Variants in ADGRB3 observed in about 807,000 individuals in gnomAD.
ADGRB3 encodes the protein brain-specific angiogenesis inhibitor 3.
ADGRB3 carries 37 observed loss-of-function variants against 193.4 expected under a neutral mutation model. The observed-to-expected ratio is 0.19, with a 90% CI of 0.15 to 0.25. The LOEUF is 0.25. Ranked by LOEUF, ADGRB3 falls within the 10% of genes least tolerant of loss-of-function variation. The pLI, the probability that ADGRB3 is intolerant of heterozygous loss-of-function variation, is 1.00. For synonymous variants in ADGRB3, 690 were observed against 644.2 expected (o/e 1.07, Z -1.08); for missense variants, 1,637 against 1,852.9 (o/e 0.88, Z 2.14).
Position 68,858,170 on chromosome 6 carries a change from T to C in ADGRB3, c.758-72389T>C, listed in dbSNP as rs779272072. Among the ~76,000 whole-genome samples, 7 of 152,300 alleles carry C rather than the reference T, an allele frequency of 4.6e-5. No homozygotes were observed. The South Asian group carries it at 8.3e-4, about 18-fold the overall frequency. Reference sequence around the variant, plus strand: ...TAATACAGTCAGGCATGATGTTTCATACCTGCAGTCCCAGCTATGTGAAAG... The same window carrying C: ...TAATACAGTCAGGCATGATGTTTCACACCTGCAGTCCCAGCTATGTGAAAG... On this transcript the variant is annotated intron_variant, in intron 3 of 31. Coordinates refer to ENST00000370598, the MANE Select transcript of ADGRB3 (RefSeq NM_001704.3).
chr6:68,959,547 CTTTG>C (rs775097582), intron 8 of ADGRB3, among the ~76,000 whole-genome samples: 4 of 151,938 alleles, frequency 2.6e-5, no homozygotes, highest in African/African-American at 9.7e-5. Context: ...ATATGAACAT[CTTTG>C]TTTGAATAAT....
chr6:68,676,749 A>C (rs1253065442), intron 3 of ADGRB3, among the ~76,000 whole-genome samples: 2 of 152,148 alleles, frequency 1.3e-5, no homozygotes, highest in African/African-American at 4.8e-5. Flanking sequence ...TTTTTAATGA[A>C]TGTGTGGTGA....
At chr6:69,323,255 A>G (rs1768500249) in intron 20 of ADGRB3, among the ~76,000 whole-genome samples, 1 of 152,028 alleles carries the variant, frequency 6.6e-6, no homozygotes. Flanking sequence ...GGAAAATGAA[A>G]GGGTAACTAA....
At chr6:68,816,628 A>G (rs1306958338) in intron 3 of ADGRB3, among the ~76,000 whole-genome samples, 3 of 152,006 alleles carry the variant, frequency 2.0e-5, no homozygotes, top group African/African-American at 7.2e-5. Context: ...AAAATTATTA[A>G]TGTAGTCACA....
chr6:68,683,738 G>A (rs1764936273), intron 3 of ADGRB3, among the ~76,000 whole-genome samples: 1 of 152,164 alleles, frequency 6.6e-6, no homozygotes. Context: ...GCAGAGAAGT[G>A]ACGTCTGATT....
chr6:68,783,284 C>T (rs1766894252), intron 3 of ADGRB3, among the ~76,000 whole-genome samples: 1 of 138,862 alleles, frequency 7.2e-6, no homozygotes, highest in South Asian at 2.3e-4. Flanking sequence ...CCTATATTGC[C>T]TCCCTAAATA....
At position 69,209,156 on chromosome 6, in the gene ADGRB3, A is replaced by G. The variant is rs541931673; in HGVS notation, c.2481-24134A>G. ...TGGACCAAGTGGCAGAGGAGTTTGC[A>G]TAGCAGCCTGGACCTGTTGCAGAAC... On this transcript the variant is annotated intron_variant, in intron 17 of 31. Coordinates refer to ENST00000370598, the MANE Select transcript of ADGRB3 (RefSeq NM_001704.3). Among the ~76,000 whole-genome samples, 19 of 152,338 alleles carry G rather than the reference A, an allele frequency of 1.2e-4. No homozygotes were observed. The South Asian group carries it at 3.9e-3, about 32-fold the overall frequency.
intron 17 of ADGRB3, among the ~76,000 whole-genome samples, chr6:69,162,494 G>A (rs1372200564): frequency 1.3e-5 from 2 of 152,004 alleles, no homozygotes; most frequent in Non-Finnish European, 2.9e-5. Flanking sequence ...TTTAGACTTC[G>A]CCACTAACTA....
intron 17 of ADGRB3, chr6:69,232,985 T>TGCTGCCGCC (rs1184848916): frequency 4.6e-6 from 2 of 435,702 alleles, no homozygotes; most frequent in Non-Finnish European, 4.1e-6. Context: ...CGGCTGCTCG[T>TGCTGCCGCC]GCTGCCGCCG....
chr6:69,079,028 T>G (rs531858324), intron 17 of ADGRB3, among the ~76,000 whole-genome samples: 3 of 152,208 alleles, frequency 2.0e-5, no homozygotes, highest in African/African-American at 7.2e-5. Context: ...TTTCTAGCAA[T>G]TATTAGAGCT....
In ADGRB3 at chr6:69,380,503, T is replaced by A. The variant is rs574509760; in HGVS notation, c.4276-2328T>A. On this transcript the variant is annotated intron_variant, in intron 30 of 31. Transcript: ENST00000370598. ...GTTTCTTGTACTTGAAAAGGAAAGATCCCATTGAAGGGAGGGGATTCCAGC... is the reference window on the plus strand; with the variant it reads ...GTTTCTTGTACTTGAAAAGGAAAGAACCCATTGAAGGGAGGGGATTCCAGC... Among the ~76,000 whole-genome samples the A allele has an allele frequency of 2.6e-5, 4 of 151,880 alleles. No homozygotes were observed. In the East Asian group the frequency reaches 7.8e-4, roughly 30 times the overall value.
chr6:69,351,792 T>C (rs1339408177), intron 26 of ADGRB3, among the ~76,000 whole-genome samples: 1 of 152,200 alleles, frequency 6.6e-6, no homozygotes, highest in East Asian at 1.9e-4. Context: ...CCTACAAAAA[T>C]TGTATTTCCA....
intron 3 of ADGRB3, among the ~76,000 whole-genome samples, chr6:68,923,287 T>A (rs1031087364): frequency 2.6e-5 from 4 of 152,022 alleles, no homozygotes; most frequent in African/African-American, 9.7e-5. Context: ...AAAGTAAAAA[T>A]ATGTAAAAGA....
intron 3 of ADGRB3, among the ~76,000 whole-genome samples, chr6:68,672,267 G>A (rs974790076): frequency 6.7e-6 from 1 of 150,122 alleles, no homozygotes; most frequent in African/African-American, 2.5e-5. Context: ...ATTTGTTTCT[G>A]ATCTGATCTT....
intron 13 of ADGRB3, among the ~76,000 whole-genome samples, chr6:69,041,229 G>C (rs922792679): frequency 6.6e-6 from 1 of 152,134 alleles, no homozygotes; most frequent in Admixed American, 6.5e-5. Flanking sequence ...AGGGTGCAGA[G>C]GACTAGTAGA....
intron 3 of ADGRB3, among the ~76,000 whole-genome samples, chr6:68,917,113 A>G (rs928149872): frequency 6.6e-6 from 1 of 152,144 alleles, no homozygotes; most frequent in Non-Finnish European, 1.5e-5. Context: ...TCTACCACTG[A>G]TTTTACAGAT....
At chr6:68,936,095 AAAGGACT>A (rs1232071803) in intron 4 of ADGRB3, among the ~76,000 whole-genome samples, 2 of 152,200 alleles carry the variant, frequency 1.3e-5, no homozygotes, top group Admixed American at 6.5e-5. Context: ...GTTATGCAAT[AAAGGACT>A]AAGGAGGAAC....
chr6:69,004,533 A>T (rs1414006362), intron 11 of ADGRB3, among the ~76,000 whole-genome samples: 5 of 150,768 alleles, frequency 3.3e-5, no homozygotes, highest in Non-Finnish European at 7.4e-5. Context: ...CATTTACATT[A>T]GGTGTTTCTC....
At chr6:69,388,323 A>G (rs955222679) in intron 31 of ADGRB3, among the ~76,000 whole-genome samples, 2 of 152,128 alleles carry the variant, frequency 1.3e-5, no homozygotes, top group African/African-American at 4.8e-5. Context: ...TAATCTCACC[A>G]AATTTCTGTC....
Sources: gnomAD v4.1 joint callset for allele counts (sites outside exome capture counted in the v4.1 genomes callset) on GRCh38, gnomAD v4.1.1 for gene constraint, MANE v1.5 for transcripts, NCBI Gene and HGNC (gene_info 2026-07-23, HGNC 2026-07-21) for gene names.